USP9Y: variants seen among roughly 807,000 people sequenced by gnomAD.
USP9Y encodes the protein ubiquitin carboxyl-terminal hydrolase 9Y.
A neutral mutation model predicts 53.1 loss-of-function variants in USP9Y; 41 were observed. The observed-to-expected ratio is 0.77, with a 90% CI of 0.60 to 1.00. The LOEUF (loss-of-function observed/expected upper bound fraction) is 1.00, where lower values mean the gene tolerates loss of function less well. USP9Y is among the 50% of genes least tolerant of loss of function. The pLI is 0.00. For missense variants in USP9Y, 567 were observed against 535.8 expected, an observed-to-expected ratio of 1.06 and a Z score of -0.58; for synonymous variants, 220 against 173.7, an observed-to-expected ratio of 1.27 and a Z score of -2.09.
At position 12,702,231 on chromosome Y, in the gene USP9Y, G is replaced by A. The variant is rs1603194989; in HGVS notation, c.-121+176G>A. 8.8e-5 allele frequency among the ~76,000 whole-genome samples: 3 copies of A among 34,093 alleles called. No individual in the cohort carries two copies. In the South Asian group the frequency reaches 1.9e-3, roughly 22 times the overall value. 91.5% of individuals were successfully genotyped at this position (34,093 alleles called of 37,273 possible). Reference sequence around the variant, plus strand: ...TTTTTGTCACTGAGTTAATTACTAAGCTGGGGCAGGATATTTGTCTTTTAC... The same window carrying A: ...TTTTTGTCACTGAGTTAATTACTAAACTGGGGCAGGATATTTGTCTTTTAC... On this transcript the variant is annotated intron_variant, in intron 1 of 45. Coordinates refer to ENST00000338981, the MANE Select transcript of USP9Y (RefSeq NM_004654.4).
chrY:12,768,311 A>AT (rs1603198829), intron 15 of USP9Y, among the ~76,000 whole-genome samples: 19 of 27,126 alleles, frequency 7.0e-4, no homozygotes, highest in East Asian at 2.8e-3. Context: ...TTTTTTCTAA[A>AT]TTTTTTTTTT....
At position 12,816,294 on chromosome Y, in the gene USP9Y, G is replaced by T; in HGVS notation, c.4780G>T (p.Gly1594Cys). The T allele has an allele frequency of 2.5e-6, 1 of 398,912 alleles. No homozygotes were observed. The highest frequency in any genetic ancestry group is 3.5e-6 in the Non-Finnish European group (1 of 283,527). Residue 1594 changes from glycine to cysteine, a missense_variant, in exon 32 of 46, where the codon GGT becomes TGT. Gly to Cys is a radical substitution (Grantham distance 159). Transcript: ENST00000338981. Reference sequence around the variant, plus strand: ...CAGTATTCTTGCAATTGAAGGCACAGGTAGTGATTTACACGATGATATGTT... The same window carrying T: ...CAGTATTCTTGCAATTGAAGGCACATGTAGTGATTTACACGATGATATGTT... ...RNSILAIEGT[G>C]SDLHDDMFGD...
intron 37 of USP9Y, 99 bp from the exon 38 acceptor site, chrY:12,842,141 T>A: frequency 4.4e-6 from 1 of 228,169 alleles, no homozygotes; most frequent in South Asian, 3.5e-5. Flanking sequence ...AGAGAACATC[T>A]CAGATCGTTG....
intron 3 of USP9Y, among the ~76,000 whole-genome samples, chrY:12,713,009 G>A: frequency 3.1e-5 from 1 of 31,749 alleles, no homozygotes; most frequent in Admixed American, 2.9e-4. Flanking sequence ...CATTGAATAC[G>A]TTGTTGTTAA....
At chrY:12,750,702 C>T (rs2053463551) in intron 12 of USP9Y, among the ~76,000 whole-genome samples, 1 of 33,012 alleles carries the variant, frequency 3.0e-5, no homozygotes, top group African/African-American at 1.2e-4. Flanking sequence ...TATGTTCAGC[C>T]AGGTTTATAC....
At chrY:12,838,146 C>T in intron 35 of USP9Y, 94 bp downstream of exon 35, 1 of 187,529 alleles carries the variant, frequency 5.3e-6, no homozygotes, top group Non-Finnish European at 9.1e-6. Context: ...TTAACTTCTG[C>T]TTTATCTCTG....
chrY:12,850,711 C>CA (rs2053570934), intron 42 of USP9Y, among the ~76,000 whole-genome samples: 1 of 10,356 alleles, frequency 9.7e-5, no homozygotes, highest in African/African-American at 3.9e-4. Flanking sequence ...GTTTAAAAAA[C>CA]ATCTTTATTT....
intron 24 of USP9Y, 24 bp from the exon 25 acceptor site, chrY:12,790,383 C>A (rs776340179): frequency 5.1e-6 from 2 of 395,186 alleles, no homozygotes; most frequent in Non-Finnish European, 7.1e-6. Context: ...TTTCATTTGA[C>A]GTAAAATGAT....
intron 11 of USP9Y, among the ~76,000 whole-genome samples, chrY:12,739,322 CA>C (rs2053454877): frequency 3.1e-5 from 1 of 32,638 alleles, no homozygotes; most frequent in Non-Finnish European, 7.5e-5. Flanking sequence ...TATTTGTACC[CA>C]AAAAAACTGA....
At chrY:12,831,865 C>T in intron 33 of USP9Y, among the ~76,000 whole-genome samples, 1 of 33,660 alleles carries the variant, frequency 3.0e-5, no homozygotes, top group Non-Finnish European at 7.4e-5. Flanking sequence ...AGTGTACACT[C>T]GGTAGTTAGT....
chrY:12,803,492 G>A, intron 27 of USP9Y: 1 of 33,673 alleles, frequency 3.0e-5, no homozygotes, highest in African/African-American at 1.2e-4. Context: ...CCAAAGTTCT[G>A]GCTGGCAGCA....
chrY:12,853,127 A>G, intron 42 of USP9Y, among the ~76,000 whole-genome samples: 1 of 34,063 alleles, frequency 2.9e-5, no homozygotes, highest in Non-Finnish European at 7.4e-5. Flanking sequence ...GTGTTCAGCT[A>G]AGCCCTGCCC....
intron 12 of USP9Y, among the ~76,000 whole-genome samples, chrY:12,741,012 G>A: frequency 3.1e-5 from 1 of 32,236 alleles, no homozygotes; most frequent in Non-Finnish European, 7.6e-5. Context: ...TCAGGAGTTC[G>A]AGACCACCTT....
chrY:12,815,116 A>G, intron 31 of USP9Y, among the ~76,000 whole-genome samples: 2 of 34,589 alleles, frequency 5.8e-5, no homozygotes, highest in Non-Finnish European at 1.4e-4. Context: ...ATTATAAATA[A>G]AACAAAGTGG....
intron 7 of USP9Y, among the ~76,000 whole-genome samples, chrY:12,729,049 C>T (rs2053445144): frequency 3.0e-5 from 1 of 33,713 alleles, no homozygotes; most frequent in African/African-American, 1.2e-4. Flanking sequence ...AACAGGTGCT[C>T]ACCACAATAC....
intron 12 of USP9Y, among the ~76,000 whole-genome samples, chrY:12,739,998 A>G: frequency 3.0e-5 from 1 of 33,657 alleles, no homozygotes; most frequent in African/African-American, 1.1e-4. Flanking sequence ...TGTATATGGC[A>G]TATAGAAATG....
intron 15 of USP9Y, among the ~76,000 whole-genome samples, chrY:12,764,321 A>G: frequency 9.0e-5 from 3 of 33,467 alleles, no homozygotes; most frequent in Non-Finnish European, 2.2e-4. Context: ...AACAATGCCA[A>G]CGAAACATAG....
intron 27 of USP9Y, among the ~76,000 whole-genome samples, chrY:12,796,221 GA>G (rs2053512566): frequency 3.0e-5 from 1 of 33,226 alleles, no homozygotes; most frequent in Non-Finnish European, 7.4e-5. Flanking sequence ...TCTCATGTAA[GA>G]AAGAATTCAG....
chrY:12,769,777 A>AGT (rs34777653), intron 15 of USP9Y, among the ~76,000 whole-genome samples: 589 of 29,734 alleles, frequency 0.02, no homozygotes, highest in South Asian at 0.037. Flanking sequence ...CTTTTGAATA[A>AGT]GTGTGTGTGT....
Sources: gnomAD v4.1 joint callset for allele counts (sites outside exome capture counted in the v4.1 genomes callset) on GRCh38, gnomAD v4.1.1 for gene constraint, MANE v1.5 for transcripts, NCBI Gene and HGNC (gene_info 2026-07-23, HGNC 2026-07-21) for gene names.